PDLIM2: variants seen among roughly 807,000 people sequenced by gnomAD.
The protein encoded by PDLIM2 is PDZ and LIM domain protein 2.
Under a neutral mutation model 54.1 loss-of-function variants are expected in PDLIM2, and 51 were observed. That is an observed-to-expected ratio of 0.94 (90% CI 0.75 to 1.19). The LOEUF (loss-of-function observed/expected upper bound fraction) is 1.19, where lower values mean the gene tolerates loss of function less well. Among genes scored for constraint, PDLIM2 ranks in the 50% most tolerant of loss-of-function variants. PDLIM2 has a pLI of 0.00. For missense variants in PDLIM2, 912 were observed against 874.0 expected (o/e 1.04, Z -0.55); for synonymous variants, 398 against 385.6 (o/e 1.03, Z -0.38).
intron 9 of PDLIM2, chr8:22,593,095 A>G (rs1800599219): frequency 6.6e-6 from 1 of 152,438 alleles, no homozygotes. Flanking sequence ...TTTGGTTTCA[A>G]ACTCCTGGCC....
chr8:22,580,221 G>A (rs953637119), intron 1 of PDLIM2: 2 of 328,538 alleles, frequency 6.1e-6, no homozygotes, highest in East Asian at 1.7e-4. Flanking sequence ...GGAAGCAAGC[G>A]CTAGTGGGAC....
rs568356051 is a variant in PDLIM2, at chr8:22,588,767, C to T, written c.1291-531C>T. 201 of 171,882 alleles carry T rather than the reference C, an allele frequency of 1.2e-3. 2 individuals carry two copies. The highest frequency in any genetic ancestry group is 5.6e-3 in the Admixed American group (94 of 16,702). The allele number at this position is 171,882 out of a possible 1,614,324, so 10.6% of individuals were successfully genotyped here. A position where few individuals can be genotyped will look rare whatever the true frequency, so the allele number is the denominator to read the frequency against. On this transcript the variant is annotated intron_variant, in intron 6 of 9. Transcript: ENST00000308354. ...GGACAGGCTGGTTAGCCCAGACTCC[C>T]GCCTCTGAGGAGAGGAACCAGCTCT... is the stretch of plus-strand genomic sequence containing the variant.
chr8:22,596,690 C>T (rs1322488062), downstream of PDLIM2: 1 of 152,226 alleles, frequency 6.6e-6, no homozygotes, highest in African/African-American at 2.4e-5. Context: ...GTACAACCCC[C>T]TTTGGTTAGA....
At chr8:22,580,492 G>A (rs953132943) in intron 1 of PDLIM2, 80 of 1,578,182 alleles carry the variant, frequency 5.1e-5, no homozygotes, top group South Asian at 2.4e-4. Flanking sequence ...TAGCTGCTCC[G>A]GGAGCTGTGG....
intron 4 of PDLIM2, 45 bp downstream of exon 3, chr8:22,584,935 G>GAAAGCT: frequency 6.2e-7 from 1 of 1,613,866 alleles, no homozygotes; most frequent in Non-Finnish European, 8.5e-7. Context: ...CCTGATCACT[G>GAAAGCT]GTGCATGAAA....
chr8:22,593,622 C>G, intron 9 of PDLIM2, 111 bp from the exon 9 acceptor site: 2 of 650,422 alleles, frequency 3.1e-6, no homozygotes, highest in Non-Finnish European at 4.7e-6. Context: ...TCTGAGAAGG[C>G]TTTGGGCTCC....
downstream of PDLIM2, chr8:22,594,504 T>C: frequency 6.2e-7 from 1 of 1,613,532 alleles, no homozygotes; most frequent in Non-Finnish European, 8.5e-7. Flanking sequence ...TTCCTTAACC[T>C]TTTTGTAAAG....
At chr8:22,585,243 C>T (rs1800341186) in intron 5 of PDLIM2, 78 bp from the exon 5 acceptor site, 2 of 1,601,434 alleles carry the variant, frequency 1.2e-6, no homozygotes, top group Non-Finnish European at 8.5e-7. Context: ...AGGAGCTCTG[C>T]TTGGGAGCCC....
chr8:22,595,485 C>T (rs1480690151), downstream of PDLIM2: 1 of 152,270 alleles, frequency 6.6e-6, no homozygotes, highest in African/African-American at 2.4e-5. Flanking sequence ...TACAGCACTC[C>T]TCATGCCTTC....
intron 2 of PDLIM2, 136 bp downstream of exon 1, chr8:22,580,833 A>T (rs1352168791): frequency 2.0e-6 from 2 of 1,013,342 alleles, no homozygotes; most frequent in Non-Finnish European, 1.5e-6. Flanking sequence ...TGCTGGCTGT[A>T]AGGGAGCCGT....
In PDLIM2 at chr8:22,585,409, C is replaced by A; in HGVS notation, c.1290+10C>A. 1 of 1,603,546 alleles carries A rather than the reference C, an allele frequency of 6.2e-7. No individual in the cohort carries two copies. Among genetic ancestry groups the A allele is most frequent in the Non-Finnish European group, 8.5e-7 (1 of 1,174,948 alleles). On this transcript the variant is annotated intron_variant, in intron 6 of 9. Transcript: ENST00000308354. ...CCCTGGAAGCCGACAGGTGAGGCTC[C>A]CTGGGGGAGGACAGGCTGGAGGAAC... is the stretch of plus-strand genomic sequence containing the variant.
intron 8 of PDLIM2, chr8:22,591,117 C>T (rs1033826626): frequency 1.8e-5 from 4 of 222,764 alleles, no homozygotes; most frequent in African/African-American, 7.1e-5. Context: ...TGCAGACGGG[C>T]GACAGCTGCC....
chr8:22,580,847 C>T (rs1288000258), intron 2 of PDLIM2, 150 bp downstream of exon 1: 6 of 894,282 alleles, frequency 6.7e-6, no homozygotes, highest in Middle Eastern at 2.1e-4. Context: ...GAGCCGTGGC[C>T]CTTTGCCACG....
rs779427808 is a variant in PDLIM2, at chr8:22,589,676, G to T, written c.1448G>T (p.Arg483Leu). 4 of 1,578,150 alleles carry T rather than the reference G, an allele frequency of 2.5e-6. No individual in the cohort carries two copies. In the African/African-American group the frequency reaches 5.4e-5, roughly 21 times the overall value. ...ATGCTGCAGGAAAATCGCGAGGGACGGGCGGCCCCCCGACAGTCCAGCTCC... is the reference window on the plus strand; with the variant it reads ...ATGCTGCAGGAAAATCGCGAGGGACTGGCGGCCCCCCGACAGTCCAGCTCC... Residue 483 changes from arginine (R) to leucine (L), a missense_variant, in exon 8 of 10, where the codon CGG becomes CTG. By Grantham distance (102) the Arg-to-Leu change is moderately radical (BLOSUM62 -2). Coordinates refer to ENST00000308354, the Ensembl canonical transcript of PDLIM2.
chr8:22,585,488 A>G, intron 6 of PDLIM2, 89 bp downstream of exon 5: 1 of 1,317,922 alleles, frequency 7.6e-7, no homozygotes. Context: ...GCAGGCGGCC[A>G]GGCCCACCTG....
At chr8:22,586,271 C>A (rs118187459) in intron 6 of PDLIM2, among the ~76,000 whole-genome samples, 1 of 152,200 alleles carries the variant, frequency 6.6e-6, no homozygotes, top group Admixed American at 6.5e-5. Flanking sequence ...CCTAGTGACC[C>A]GCTGCGTGCC....
exon 10 of PDLIM2, chr8:22,593,842 G>A (rs769083991): frequency 1.1e-5 from 18 of 1,583,016 alleles, no homozygotes; most frequent in Admixed American, 1.8e-5. Flanking sequence ...GGTGGGTGAC[G>A]AGCTGTACTG....
chr8:22,591,798 G>A (rs994230057), intron 9 of PDLIM2, 130 bp downstream of exon 8: 2 of 813,894 alleles, frequency 2.5e-6, no homozygotes, highest in Non-Finnish European at 3.8e-6. Context: ...GGGGACTCTA[G>A]GGGAAGCAGT....
At chr8:22,589,652 T>A in exon 8 of PDLIM2, 1 of 1,592,072 alleles carries the variant, frequency 6.3e-7, no homozygotes, top group Non-Finnish European at 8.6e-7. Context: ...GTCTTCAAGA[T>A]GCTGCAGGAA....
Sources: allele counts gnomAD v4.1 joint callset (sites outside exome capture counted in the v4.1 genomes callset), GRCh38; gene constraint gnomAD v4.1.1; transcripts MANE v1.5; gene names NCBI Gene and HGNC (gene_info 2026-07-23, HGNC 2026-07-21).